The following ZNF705G variants were observed in gnomAD, a reference collection of about 807,000 sequenced individuals.
ZNF705G encodes zinc finger protein 705G.
In ZNF705G, 23 loss-of-function variants were observed where a neutral mutation model predicts 19.6. The ratio of observed to expected loss-of-function variants is 1.17; its 90% confidence interval spans 0.84 to 1.66. ZNF705G has a LOEUF of 1.66. Ranked by LOEUF, ZNF705G falls within the 40% of genes most tolerant of loss-of-function variation. The pLI is 0.00. For synonymous variants in ZNF705G, 146 were observed against 117.7 expected, an observed-to-expected ratio of 1.24 and a Z score of -1.56; for missense variants, 457 against 354.4, an observed-to-expected ratio of 1.29 and a Z score of -2.32.
At chr8:7,369,520 C>T (rs576149162) in intron 2 of ZNF705G, among the ~76,000 whole-genome samples, 2 of 149,594 alleles carry the variant, frequency 1.3e-5, no homozygotes, top group East Asian at 1.9e-4. Context: ...TCAACACTGG[C>T]CCTTGACAGC....
intron 1 of ZNF705G, among the ~76,000 whole-genome samples, chr8:7,383,977 C>G (rs1237561296): frequency 2.1e-5 from 3 of 140,736 alleles, no homozygotes; most frequent in Admixed American, 6.8e-5. Flanking sequence ...ACCTTTCGAC[C>G]TCTCTAACAG....
At chr8:7,362,449 T>C (rs1157934151) in intron 3 of ZNF705G, among the ~76,000 whole-genome samples, 4 of 149,604 alleles carry the variant, frequency 2.7e-5, no homozygotes, top group Admixed American at 6.6e-5. Flanking sequence ...ACTCAGCTGC[T>C]AGAACATCAG....
intron 3 of ZNF705G, among the ~76,000 whole-genome samples, chr8:7,361,885 T>C (rs1373348142): frequency 1.3e-5 from 2 of 149,654 alleles, no homozygotes; most frequent in Non-Finnish European, 2.9e-5. Flanking sequence ...ATTCAATTCA[T>C]ATATATAGTC....
At chr8:7,363,095 T>C in intron 2 of ZNF705G, 78 bp from the exon 3 acceptor site, 1 of 1,562,720 alleles carries the variant, frequency 6.4e-7, no homozygotes. Context: ...AAAGCCAGAC[T>C]TTCACTGAAG....
Position 7,358,019 on chromosome 8 carries a change from A to G in ZNF705G, c.860T>C (p.Leu287Pro). ...CAGACTGAAGGCCTTCCCACATAGA[A>G]GACAAGCATGTGGTTTCTCTCCAGT... ...IHTGEKPHAC[L>P]LCGKAFSLSS... The change falls in exon 7 of 7, where the codon CTT becomes CCT. Residue 287 changes from leucine to proline, a missense_variant. By Grantham distance (98) the Leu-to-Pro change is moderately conservative. Coordinates refer to ENST00000400156, the MANE Select transcript of ZNF705G (RefSeq NM_001164457.3). The G allele has an allele frequency of 6.2e-7, 1 of 1,609,026 alleles. No individual in the cohort carries two copies. Among genetic ancestry groups the G allele is most frequent in the Non-Finnish European group, 8.5e-7 (1 of 1,179,794 alleles).
In ZNF705G at chr8:7,380,784, C is replaced by A. The variant is rs1207942400; in HGVS notation, c.-72+668G>T. On this transcript the variant is annotated intron_variant, in intron 2 of 6. Transcript: ENST00000400156. ...CCTGTAATCCTAGCACTTTGGAAGG[C>A]TGAGGGGGGCAGATCACCCGAGGTC... Among the ~76,000 whole-genome samples the A allele has an allele frequency of 3.6e-4, 52 of 146,130 alleles. 3 individuals are homozygous for A. Among genetic ancestry groups the A allele is most frequent in the African/African-American group, 1.4e-3 (51 of 35,912 alleles).
At chr8:7,359,035 A>G (rs1420410189) in intron 6 of ZNF705G, among the ~76,000 whole-genome samples, 4 of 149,548 alleles carry the variant, frequency 2.7e-5, no homozygotes, top group Non-Finnish European at 4.4e-5. Flanking sequence ...TCATTTGTTT[A>G]TGTCATCTTA....
chr8:7,382,303 T>C (rs1330529871), intron 1 of ZNF705G, among the ~76,000 whole-genome samples: 1 of 148,052 alleles, frequency 6.8e-6, no homozygotes, highest in East Asian at 1.9e-4. Flanking sequence ...TATGGACTCA[T>C]GATTACAGAT....
rs2740668 is a variant in ZNF705G, at chr8:7,363,149, T to C, written c.-71-132A>G. The C allele has an allele frequency of 8.2e-5, 99 of 1,212,964 alleles. 1 individual carries two copies. The highest frequency in any genetic ancestry group is 6.5e-4 in the East Asian group (27 of 41,480). The allele number at this position is 1,212,964 out of a possible 1,614,324, so 75.1% of individuals were successfully genotyped here. ...ACAGCCTAACCAACAGACACAAACA[T>C]GCAGAGGCCTCTCCTCTTTTCCCGT... On this transcript the variant is annotated intron_variant, in intron 2 of 6. Coordinates refer to ENST00000400156, the MANE Select transcript of ZNF705G (RefSeq NM_001164457.3).
intron 2 of ZNF705G, among the ~76,000 whole-genome samples, chr8:7,367,134 A>G (rs1202012318): frequency 6.7e-6 from 1 of 149,538 alleles, no homozygotes; most frequent in Admixed American, 6.6e-5. Context: ...ATGTGAAGTA[A>G]CAATTCACAC....
rs769355271 is a variant in ZNF705G at position 7,358,280 on chromosome 8, T to C, written c.599A>G (p.Tyr200Cys). 3 of 1,607,768 alleles carry C rather than the reference T, an allele frequency of 1.9e-6. No individual in the cohort carries two copies. The highest frequency in any genetic ancestry group is 1.7e-5 in the Admixed American group (1 of 59,942). The stretch of plus-strand genomic sequence containing the variant: ...GGCTTTTCTACATAGATGACATGCA[T>C]ATGGCCTCTCTCCAGTGTGAGTCAT... ...HKMTHTGERPYACHLCRKAFT... is the reference protein window; with the variant it reads ...HKMTHTGERPCACHLCRKAFT... The change falls in exon 7 of 7, where the codon TAT (tyrosine) becomes TGT (cysteine). Residue 200 changes from tyrosine to cysteine, a missense_variant. Physicochemically the swap from Tyr to Cys is radical, Grantham distance 194. Coordinates refer to ENST00000400156, the MANE Select transcript of ZNF705G (RefSeq NM_001164457.3).
At chr8:7,382,201 C>A (rs1445651258) in intron 1 of ZNF705G, among the ~76,000 whole-genome samples, 1 of 150,438 alleles carries the variant, frequency 6.6e-6, no homozygotes, top group African/African-American at 2.5e-5. Flanking sequence ...AGAACAACAA[C>A]AACGACAACA....
chr8:7,365,522 G>A lies in ZNF705G; in HGVS notation c.-71-2505C>T, dbSNP rs536047622. 1.9e-3 allele frequency among the ~76,000 whole-genome samples: 288 copies of A among 149,036 alleles called. 4 individuals carry two copies. The highest frequency in any genetic ancestry group is 3.5e-3 in the Non-Finnish European group (237 of 67,950). On this transcript the variant is annotated intron_variant, in intron 2 of 6. Coordinates refer to ENST00000400156, the MANE Select transcript of ZNF705G (RefSeq NM_001164457.3). ...GCCTCCTGAGTAGCTGGGATGACAGGCTTGCGCCATCGTGCTCGGCTAATT... is the reference window on the plus strand; with the variant it reads ...GCCTCCTGAGTAGCTGGGATGACAGACTTGCGCCATCGTGCTCGGCTAATT...
intron 1 of ZNF705G, among the ~76,000 whole-genome samples, chr8:7,383,125 A>ATTTTTTTTTTTTT (rs5889203): frequency 7.9e-6 from 1 of 125,800 alleles, no homozygotes; most frequent in African/African-American, 3.3e-5. Context: ...TCAATGTTTG[A>ATTTTTTTTTTTTT]TTTTTTTTTT....
chr8:7,366,386 A>G (rs1806858778), intron 2 of ZNF705G, among the ~76,000 whole-genome samples: 1 of 149,640 alleles, frequency 6.7e-6, no homozygotes, highest in Non-Finnish European at 1.5e-5. Context: ...TGAACACTGC[A>G]TACAAAGTTT....
intron 2 of ZNF705G, among the ~76,000 whole-genome samples, chr8:7,379,212 C>T (rs1158231168): frequency 6.8e-6 from 1 of 147,750 alleles, no homozygotes; most frequent in African/African-American, 2.7e-5. Context: ...CTCGAAATCT[C>T]AAAAAGTTCA....
chr8:7,376,667 T>G (rs1807251237), intron 2 of ZNF705G, among the ~76,000 whole-genome samples: 1 of 149,862 alleles, frequency 6.7e-6, no homozygotes, highest in Non-Finnish European at 1.5e-5. Flanking sequence ...AATTGCAACC[T>G]CAAAGACCAG....
In ZNF705G at chr8:7,380,094, C is replaced by T. The variant is rs1807421635; in HGVS notation, c.-72+1358G>A. Reference sequence around the variant, plus strand: ...GCAGTGCCATTCACTAGGGAGGCTGCCCCCAGAACAAAGGGAGCTGAAGCA... The same window carrying T: ...GCAGTGCCATTCACTAGGGAGGCTGTCCCCAGAACAAAGGGAGCTGAAGCA... On this transcript the variant is annotated intron_variant, in intron 2 of 6. Coordinates refer to ENST00000400156, the MANE Select transcript of ZNF705G (RefSeq NM_001164457.3). 3.5e-5 allele frequency among the ~76,000 whole-genome samples: 5 copies of T among 144,016 alleles called. No homozygotes were observed. The South Asian group carries it at 8.6e-4, about 25-fold the overall frequency. 94.5% of individuals were successfully genotyped at this position (144,016 alleles called of 152,430 possible).
intron 2 of ZNF705G, among the ~76,000 whole-genome samples, chr8:7,366,044 C>A (rs568199185): frequency 6.7e-6 from 1 of 149,652 alleles, no homozygotes; most frequent in Admixed American, 6.6e-5. Flanking sequence ...CAGCAGCTGA[C>A]ATTCTAGCAA....
Sources: gnomAD v4.1 joint callset for allele counts (sites outside exome capture counted in the v4.1 genomes callset) on GRCh38, gnomAD v4.1.1 for gene constraint, MANE v1.5 for transcripts, NCBI Gene and HGNC (gene_info 2026-07-23, HGNC 2026-07-21) for gene names.